PTPRG: variants seen among roughly 807,000 people sequenced by gnomAD.
PTPRG encodes protein tyrosine phosphatase receptor type G, also known as receptor-type tyrosine-protein phosphatase gamma.
PTPRG carries 102 observed loss-of-function variants against 165.3 expected under a neutral mutation model. The observed-to-expected ratio is 0.62, with a 90% CI of 0.53 to 0.73. The LOEUF is 0.73. Among genes scored for constraint, PTPRG ranks in the 30% least tolerant of loss-of-function variants. The pLI, the probability that PTPRG is intolerant of heterozygous loss-of-function variation, is 0.00. For synonymous variants in PTPRG, 675 were observed against 669.5 expected, an observed-to-expected ratio of 1.01 and a Z score of -0.13; for missense variants, 1,866 against 1,861.4, an observed-to-expected ratio of 1.00 and a Z score of -0.05.
chr3:61,649,406 T>C (rs1702288402), intron 1 of PTPRG, among the ~76,000 whole-genome samples: 1 of 152,170 alleles, frequency 6.6e-6, no homozygotes, highest in African/African-American at 2.4e-5. Context: ...GGTTCAGCTG[T>C]CTGGTGAGGG....
At chr3:62,257,520 T>C (rs1318394910) in intron 16 of PTPRG, among the ~76,000 whole-genome samples, 1 of 152,146 alleles carries the variant, frequency 6.6e-6, no homozygotes, top group Admixed American at 6.5e-5. Flanking sequence ...ATTGTCCCCA[T>C]TTTACTGATG....
At chr3:61,632,034 G>A (rs116204202) in intron 1 of PTPRG, among the ~76,000 whole-genome samples, 3,519 of 152,242 alleles carry the variant, frequency 0.023, 114 homozygotes, top group African/African-American at 0.079. Context: ...GCTGGGTGCC[G>A]TGGCTCACAC....
rs184480775 is a variant in PTPRG at position 62,271,127 on chromosome 3, A to C, written c.3010-256A>C. Among the ~76,000 whole-genome samples the C allele has an allele frequency of 1.9e-3, 287 of 152,232 alleles. No individual in the cohort carries two copies. Among genetic ancestry groups the C allele is most frequent in the Middle Eastern group, 6.8e-3 (2 of 294 alleles). On this transcript the variant is annotated intron_variant, in intron 20 of 29. Transcript: ENST00000474889. This position sits in a 1 kb window ranked among gnomAD's most constrained non-coding sequence, Gnocchi z 4.1. ...TTGGATAGTTCCAAATCCAAAAAAA[A>C]CTGATACTAAATGTTCATTCTTAGT... is the stretch of plus-strand genomic sequence containing the variant.
chr3:61,574,334 A>G (rs984654293), intron 1 of PTPRG, among the ~76,000 whole-genome samples: 3 of 152,188 alleles, frequency 2.0e-5, no homozygotes, highest in South Asian at 2.1e-4. Context: ...CACCAGATCT[A>G]CTGCCCTTGA....
At chr3:61,613,819 CAACACA>C (rs1200197113) in intron 1 of PTPRG, among the ~76,000 whole-genome samples, 1 of 152,160 alleles carries the variant, frequency 6.6e-6, no homozygotes, top group Non-Finnish European at 1.5e-5. Context: ...GAGGTGACCA[CAACACA>C]AAACCATGAG....
chr3:62,188,299 C>T (rs1699716150), intron 8 of PTPRG, among the ~76,000 whole-genome samples: 1 of 152,144 alleles, frequency 6.6e-6, no homozygotes, highest in Non-Finnish European at 1.5e-5. Flanking sequence ...TACTTGAGCT[C>T]AGGAGGTTGA....
chr3:62,067,752 C>G (rs535451410), intron 4 of PTPRG, among the ~76,000 whole-genome samples: 1 of 152,220 alleles, frequency 6.6e-6, no homozygotes, highest in East Asian at 1.9e-4. Context: ...GCATCCTGAT[C>G]TGACAGGAGG....
intron 2 of PTPRG, chr3:61,769,984 G>GT (rs1474080274): frequency 6.6e-6 from 1 of 152,188 alleles, no homozygotes; most frequent in Non-Finnish European, 1.5e-5. Context: ...GTATGGAAGA[G>GT]TATAGAATTA....
At chr3:61,849,036 T>C (rs973666221) in intron 2 of PTPRG, among the ~76,000 whole-genome samples, 10 of 152,226 alleles carry the variant, frequency 6.6e-5, no homozygotes, top group African/African-American at 2.4e-4. Context: ...AAATTGCGTT[T>C]GTTCTTGCAG....
rs1575575769 is a variant in PTPRG at position 61,667,360 on chromosome 3, A to G, written c.86-81518A>G. Among the ~76,000 whole-genome samples the G allele has an allele frequency of 1.2e-4, 18 of 152,350 alleles. 2 individuals are homozygous for G. In the South Asian group the frequency reaches 3.7e-3, roughly 32 times the overall value. ...AGAAAACTTCCTTCTAAGTTTTCCT[A>G]GAAAGTCTGGCACCTTTGACATAGC... On this transcript the variant is annotated intron_variant, in intron 1 of 29. Coordinates refer to ENST00000474889, the MANE Select transcript of PTPRG (RefSeq NM_002841.4).
chr3:61,745,743 G>A (rs1039494496), intron 1 of PTPRG, among the ~76,000 whole-genome samples: 2 of 152,184 alleles, frequency 1.3e-5, no homozygotes, highest in Admixed American at 1.3e-4. Flanking sequence ...TGTCTGGGGT[G>A]AAGTCCAAGG....
At position 61,814,830 on chromosome 3, in the gene PTPRG, A is replaced by C. The variant is rs192808341; in HGVS notation, c.190+65848A>C. Among the ~76,000 whole-genome samples, 53 of 151,662 alleles carry C rather than the reference A, an allele frequency of 3.5e-4. 1 individual carries two copies. The highest frequency in any genetic ancestry group is 2.3e-3 in the Admixed American group (35 of 15,170). ...GTTGCATGGCTGCTTTGTGCCAAGC[A>C]TATTGTTAAGTGATTTGCATACCTG... On this transcript the variant is annotated intron_variant, in intron 2 of 29. Coordinates refer to ENST00000474889, the MANE Select transcript of PTPRG (RefSeq NM_002841.4).
intron 2 of PTPRG, among the ~76,000 whole-genome samples, chr3:61,945,105 G>A (rs1452689473): frequency 6.6e-6 from 1 of 152,164 alleles, no homozygotes; most frequent in Non-Finnish European, 1.5e-5. Flanking sequence ...CAGGGGCAGA[G>A]GTGATCAGTG....
chr3:61,582,281 T>C (rs1049629174), intron 1 of PTPRG, among the ~76,000 whole-genome samples: 1 of 152,218 alleles, frequency 6.6e-6, no homozygotes, highest in Non-Finnish European at 1.5e-5. Context: ...TATTTTGTTT[T>C]ATTTATTAAT....
At chr3:62,123,706 ACT>A (rs1559535967) in intron 5 of PTPRG, among the ~76,000 whole-genome samples, 3 of 152,276 alleles carry the variant, frequency 2.0e-5, no homozygotes, top group South Asian at 4.1e-4. Flanking sequence ...ATACAAGAAA[ACT>A]CTAATTAAAG....
intron 2 of PTPRG, among the ~76,000 whole-genome samples, chr3:61,753,419 T>G (rs1281239917): frequency 6.6e-6 from 1 of 152,202 alleles, no homozygotes; most frequent in Non-Finnish European, 1.5e-5. Context: ...TTAAAGTATA[T>G]TTCTGTCTTT....
At chr3:62,046,328 C>T (rs1280171412) in intron 4 of PTPRG, among the ~76,000 whole-genome samples, 1 of 152,136 alleles carries the variant, frequency 6.6e-6, no homozygotes, top group Non-Finnish European at 1.5e-5. Flanking sequence ...TGGGGATGGA[C>T]CCTCCAGGAT....
Position 61,789,472 on chromosome 3 carries a change from G to C in PTPRG, c.190+40490G>C, listed in dbSNP as rs147322496. ...CTTGCCCTTACAGAAATTCATACTA[G>C]TTGAATAGACCAACACACAGATGGG... is the stretch of plus-strand genomic sequence containing the variant. On this transcript the variant is annotated intron_variant, in intron 2 of 29. Coordinates refer to ENST00000474889, the MANE Select transcript of PTPRG (RefSeq NM_002841.4). 1.4e-3 allele frequency among the ~76,000 whole-genome samples: 207 copies of C among 152,226 alleles called. 1 individual carries two copies. Among genetic ancestry groups the C allele is most frequent in the African/African-American group, 4.9e-3 (205 of 41,542 alleles).
chr3:62,257,861 G>C (rs1278978982), intron 16 of PTPRG, among the ~76,000 whole-genome samples: 1 of 152,078 alleles, frequency 6.6e-6, no homozygotes, highest in Non-Finnish European at 1.5e-5. Context: ...CAGAGGCTGA[G>C]GCTGAGGCAG....
Sources: allele counts gnomAD v4.1 joint callset (sites outside exome capture counted in the v4.1 genomes callset), GRCh38; gene constraint gnomAD v4.1.1; non-coding constraint Gnocchi (gnomAD v3.1); transcripts MANE v1.5; gene names NCBI Gene and HGNC (gene_info 2026-07-23, HGNC 2026-07-21).